C5orf22: variants seen among roughly 807,000 people sequenced by gnomAD.
C5orf22 encodes chromosome 5 open reading frame 22, also known as UPF0489 protein C5orf22.
C5orf22 carries 36 observed loss-of-function variants against 48.7 expected under a neutral mutation model. The observed-to-expected ratio is 0.74, with a 90% CI of 0.57 to 0.98. The LOEUF is 0.98. C5orf22 is among the 50% of genes least tolerant of loss of function. C5orf22 has a pLI of 0.00. For missense variants in C5orf22, 486 were observed against 521.9 expected (o/e 0.93, Z 0.67); for synonymous variants, 141 against 180.8 (o/e 0.78, Z 1.76).
In C5orf22 at chr5:31,538,319, T is replaced by C; in HGVS notation, c.437T>C (p.Leu146Pro). Reference protein sequence around the residue: ...SDGLYVPEDQLENQKPLQLDV... With the variant: ...SDGLYVPEDQPENQKPLQLDV... ...GGTCTGTATGTACCTGAAGACCAGC[T>C]AGAGAACCAAAAACCTTTACAATTG... The change falls in exon 4 of 9, where the codon CTA (leucine) becomes CCA (proline). Residue 146 changes from leucine (L) to proline (P), a missense_variant. Physicochemically the swap from Leu to Pro is moderately conservative, Grantham distance 98 (BLOSUM62 -3). Coordinates refer to ENST00000325366, the MANE Select transcript of C5orf22 (RefSeq NM_018356.3). 1 of 1,613,968 alleles carries C rather than the reference T, an allele frequency of 6.2e-7. No individual in the cohort carries two copies. Among genetic ancestry groups the C allele is most frequent in the Non-Finnish European group, 8.5e-7 (1 of 1,179,906 alleles).
At chr5:31,550,665 A>G (rs1437111891) in intron 7 of C5orf22, among the ~76,000 whole-genome samples, 1 of 152,024 alleles carries the variant, frequency 6.6e-6, no homozygotes, top group Non-Finnish European at 1.5e-5. Flanking sequence ...TCCCGTGTTC[A>G]AGTGATTCTC....
At chr5:31,545,449 TGTAATCTTTTGG>T (rs1266071227) in intron 6 of C5orf22, among the ~76,000 whole-genome samples, 185 bp from the exon 7 acceptor site, 1 of 152,246 alleles carries the variant, frequency 6.6e-6, no homozygotes, top group Non-Finnish European at 1.5e-5. Context: ...TAACACAATG[TGTAATCTTTTGG>T]GTAAGAAAAC....
intron 4 of C5orf22, among the ~76,000 whole-genome samples, chr5:31,539,754 A>T (rs1318849635): frequency 6.6e-6 from 1 of 151,628 alleles, no homozygotes; most frequent in African/African-American, 2.4e-5. Flanking sequence ...TCTTAAGAGC[A>T]TGTTCAGGCT....
At chr5:31,546,122 C>T (rs547993145) in intron 7 of C5orf22, among the ~76,000 whole-genome samples, 1 of 151,960 alleles carries the variant, frequency 6.6e-6, no homozygotes, top group Non-Finnish European at 1.5e-5. Flanking sequence ...AACCACAAGA[C>T]AAAGAAAAAA....
chr5:31,554,027 ACC>A lies in C5orf22; in HGVS notation c.*1130_*1131del. Reference sequence around the variant, plus strand: ...CCAAAGATATAAACTGTCTTCCACCACCCCCCTCATAACTAAGACATCCTTCC... The same window carrying A: ...CCAAAGATATAAACTGTCTTCCACCACCCCTCATAACTAAGACATCCTTCC... On this transcript the variant is annotated 3_prime_UTR_variant, in exon 9 of 9. Transcript: ENST00000325366. The A allele has an allele frequency of 6.6e-6, 1 of 151,958 alleles. No individual in the cohort carries two copies. Among genetic ancestry groups the A allele is most frequent in the South Asian group, 2.1e-4 (1 of 4,806 alleles). 9.4% of individuals were successfully genotyped at this position (151,958 alleles called of 1,614,324 possible). A position where few individuals can be genotyped will look rare whatever the true frequency, so the allele number is the denominator to read the frequency against.
intron 5 of C5orf22, 73 bp downstream of exon 5, chr5:31,541,084 G>GTGAT: frequency 7.9e-7 from 1 of 1,265,694 alleles, no homozygotes; most frequent in East Asian, 2.3e-5. Context: ...AATTACCACA[G>GTGAT]TGATCTCAAA....
Position 31,553,162 on chromosome 5 carries a change from TTTG to T in C5orf22, c.*263_*265del. 9.5e-5 allele frequency: 26 copies of T among 274,064 alleles called. No individual in the cohort carries two copies. Among genetic ancestry groups the T allele is most frequent in the East Asian group, 3.1e-4 (4 of 12,824 alleles). 17.0% of individuals were successfully genotyped at this position (274,064 alleles called of 1,614,324 possible). A position where few individuals can be genotyped will look rare whatever the true frequency, so the allele number is the denominator to read the frequency against. Reference sequence around the variant, plus strand: ...TATTTTTTAGGGTTTTGTTTTTTTTTTTGTTTGTTTGTTTGTTTGTCTTCACTT... The same window carrying T: ...TATTTTTTAGGGTTTTGTTTTTTTTTTTTGTTTGTTTGTTTGTCTTCACTT... On this transcript the variant is annotated 3_prime_UTR_variant, in exon 9 of 9. Coordinates refer to ENST00000325366, the MANE Select transcript of C5orf22 (RefSeq NM_018356.3).
chr5:31,547,803 G>T (rs1205910704), intron 7 of C5orf22, among the ~76,000 whole-genome samples: 1 of 152,202 alleles, frequency 6.6e-6, no homozygotes, highest in East Asian at 1.9e-4. Flanking sequence ...CTTCAGGCCT[G>T]TGATGGGAGG....
chr5:31,536,548 C>CAA (rs575182223), intron 3 of C5orf22, among the ~76,000 whole-genome samples: 3,135 of 151,956 alleles, frequency 0.021, 109 homozygotes, highest in African/African-American at 0.071. Context: ...AACAAACAAA[C>CAA]AAAAAAACAG....
intron 8 of C5orf22, 29 bp from the exon 9 acceptor site, chr5:31,552,741 ATTT>A: frequency 6.2e-7 from 1 of 1,601,242 alleles, no homozygotes; most frequent in Non-Finnish European, 8.5e-7. Context: ...TCCTATGTGT[ATTT>A]TTCTTCTTTC....
chr5:31,539,622 T>C (rs749956830), intron 4 of C5orf22, among the ~76,000 whole-genome samples: 18 of 152,226 alleles, frequency 1.2e-4, no homozygotes, highest in Non-Finnish European at 2.5e-4. Flanking sequence ...AACACAAGGA[T>C]TTGTATAGCC....
intron 7 of C5orf22, chr5:31,548,622 C>G (rs1298976107): frequency 6.7e-6 from 3 of 447,094 alleles, no homozygotes; most frequent in Non-Finnish European, 1.3e-5. Context: ...CATTTCCCTG[C>G]CTTCTTCTGA....
chr5:31,549,274 G>A (rs1445390166), intron 7 of C5orf22, among the ~76,000 whole-genome samples: 1 of 152,112 alleles, frequency 6.6e-6, no homozygotes, highest in Non-Finnish European at 1.5e-5. Flanking sequence ...TCGCTATCAT[G>A]AGAACAGTGC....
In C5orf22 at chr5:31,552,513, C is replaced by T. The variant is rs183831914; in HGVS notation, c.1200-260C>T. ...AAGGCACACACCGCATGTCACCTTG[C>T]ACAGGTTAATCTCTTTCAGATTTCT... On this transcript the variant is annotated intron_variant, in intron 8 of 8. Coordinates refer to ENST00000325366, the MANE Select transcript of C5orf22 (RefSeq NM_018356.3). 1.6e-3 allele frequency among the ~76,000 whole-genome samples: 249 copies of T among 152,256 alleles called. 1 individual carries two copies. Among genetic ancestry groups the T allele is most frequent in the African/African-American group, 5.4e-3 (223 of 41,538 alleles).
At chr5:31,532,579 CAG>C in intron 1 of C5orf22, 106 bp downstream of exon 1, 1 of 896,062 alleles carries the variant, frequency 1.1e-6, no homozygotes, top group Non-Finnish European at 1.7e-6. Flanking sequence ...GAGAGTTAAC[CAG>C]AGTTAAACTG....
chr5:31,549,288 A>G (rs1210980117), intron 7 of C5orf22, among the ~76,000 whole-genome samples: 1 of 152,196 alleles, frequency 6.6e-6, no homozygotes, highest in East Asian at 1.9e-4. Context: ...ACAGTGCAGG[A>G]AAGACCCACC....
intron 5 of C5orf22, 41 bp downstream of exon 5, chr5:31,541,052 A>T: frequency 1.4e-6 from 2 of 1,456,822 alleles, no homozygotes; most frequent in Non-Finnish European, 1.9e-6. Context: ...TTCATTTATC[A>T]TATAACTAAT....
At chr5:31,540,772 A>G in intron 4 of C5orf22, 177 bp from the exon 5 acceptor site, 1 of 560,600 alleles carries the variant, frequency 1.8e-6, no homozygotes. Flanking sequence ...TTACAATAAA[A>G]TTATTACAAT....
At chr5:31,543,800 C>T (rs180722036) in intron 6 of C5orf22, among the ~76,000 whole-genome samples, 39 of 152,192 alleles carry the variant, frequency 2.6e-4, no homozygotes, top group Non-Finnish European at 1.5e-4. Context: ...CCTTGGAATC[C>T]TAAGTCCAGC....
Sources: allele counts gnomAD v4.1 joint callset (sites outside exome capture counted in the v4.1 genomes callset), GRCh38; gene constraint gnomAD v4.1.1; transcripts MANE v1.5; gene names NCBI Gene and HGNC (gene_info 2026-07-23, HGNC 2026-07-21).